GPBP1L1: variants seen among roughly 807,000 people sequenced by gnomAD.
The protein encoded by GPBP1L1 is GC-rich promoter binding protein 1 like 1.
GPBP1L1 carries 23 observed loss-of-function variants against 52.5 expected under a neutral mutation model. The observed-to-expected ratio is 0.44, with a 90% CI of 0.32 to 0.62. The LOEUF is 0.62. Ranked by LOEUF, GPBP1L1 falls within the 20% of genes least tolerant of loss-of-function variation. The pLI, the probability that GPBP1L1 is intolerant of heterozygous loss-of-function variation, is 0.06. For missense variants in GPBP1L1, 596 were observed against 579.3 expected (o/e 1.03, Z -0.30); for synonymous variants, 243 against 203.1 (o/e 1.20, Z -1.67).
At chr1:45,670,204 G>A (rs2148501485) in intron 2 of GPBP1L1, among the ~76,000 whole-genome samples, 1 of 152,314 alleles carries the variant, frequency 6.6e-6, no homozygotes, top group South Asian at 2.1e-4. Flanking sequence ...CTGCTGGTAG[G>A]TTTAACACGA....
intron 8 of GPBP1L1, chr1:45,634,826 C>T (rs1437629795): frequency 6.6e-6 from 1 of 152,306 alleles, no homozygotes; most frequent in Non-Finnish European, 1.5e-5. Flanking sequence ...CCCATTCTGT[C>T]ACTCTGGCCA....
intron 6 of GPBP1L1, among the ~76,000 whole-genome samples, chr1:45,647,166 A>ATTCT (rs1644759061): frequency 8.9e-6 from 1 of 112,650 alleles, no homozygotes; most frequent in Non-Finnish European, 1.8e-5. Flanking sequence ...ACTTCTTAGG[A>ATTCT]TTTTTTTTTT....
intron 2 of GPBP1L1, among the ~76,000 whole-genome samples, chr1:45,683,417 AGAT>A (rs1473469664): frequency 6.6e-6 from 1 of 150,694 alleles, no homozygotes; most frequent in Non-Finnish European, 1.5e-5. Flanking sequence ...GTGTTAGCCA[AGAT>A]GGTCTCCATC....
chr1:45,629,458 C>CCG lies in GPBP1L1; in HGVS notation c.1272+117_1272+118insCG, dbSNP rs1644500561. ...ACTACATTTCTACTAAGGTAATCCC[C>CCG]CCCCCCCCCACCCGATCTTTCTCTC... On this transcript the variant is annotated intron_variant, in intron 12 of 12. Transcript: ENST00000355105. 10 of 126,848 alleles carry CCG rather than the reference C, an allele frequency of 7.9e-5. 1 individual carries two copies. In the South Asian group the frequency reaches 1.2e-3, roughly 15 times the overall value. The allele number at this position is 126,848 out of a possible 1,614,324, so 7.9% of individuals were successfully genotyped here.
chr1:45,633,133 A>G (rs1219870372), intron 10 of GPBP1L1, among the ~76,000 whole-genome samples: 1 of 152,242 alleles, frequency 6.6e-6, no homozygotes, highest in Non-Finnish European at 1.5e-5. Flanking sequence ...TGCTCTTACC[A>G]TATGATCCAG....
chr1:45,632,488 G>A (rs1165176426), intron 10 of GPBP1L1, among the ~76,000 whole-genome samples: 3 of 152,202 alleles, frequency 2.0e-5, no homozygotes, highest in African/African-American at 7.2e-5. Flanking sequence ...GGCTGAGACA[G>A]GCAGAACACT....
At position 45,641,487 on chromosome 1, in the gene GPBP1L1, C is replaced by CAT. The variant is rs201767953; in HGVS notation, c.550+939_550+940insAT. Reference sequence around the variant, plus strand: ...ACACACACACACACACACACACACACGAATATTTAAACATACATATATATG... The same window carrying CAT: ...ACACACACACACACACACACACACACATGAATATTTAAACATACATATATATG... On this transcript the variant is annotated intron_variant, in intron 7 of 12. Transcript: ENST00000355105. Among the ~76,000 whole-genome samples, 934 of 151,214 alleles carry CAT rather than the reference C, an allele frequency of 6.2e-3. 7 individuals carry two copies. The highest frequency in any genetic ancestry group is 0.022 in the African/African-American group (903 of 41,154).
intron 6 of GPBP1L1, among the ~76,000 whole-genome samples, chr1:45,643,649 G>A (rs537319352): frequency 9.5e-4 from 136 of 142,626 alleles, no homozygotes; most frequent in African/African-American, 3.2e-3. Flanking sequence ...TAACAGGGTA[G>A]GAGAATGGCT....
At chr1:45,658,782 AAAAC>A in intron 4 of GPBP1L1, 2 of 463,368 alleles carry the variant, frequency 4.3e-6, no homozygotes, top group South Asian at 8.0e-5. Context: ...AACAACAACA[AAAAC>A]AAAAATTAGC....
rs4443928 is a variant in GPBP1L1, at chr1:45,671,930, T to C, written c.-1097-10705A>G. ...TGCTTGGAATGGCAATAAATCTAGA[T>C]CAAAATGGGAGAACTGACATCTTCA... On this transcript the variant is annotated intron_variant, in intron 2 of 12. Coordinates refer to ENST00000355105, the MANE Select transcript of GPBP1L1 (RefSeq NM_021639.5). Among the ~76,000 whole-genome samples the C allele has an allele frequency of 8.9e-4, 136 of 152,222 alleles. 1 individual carries two copies. The highest frequency in any genetic ancestry group is 3.2e-3 in the African/African-American group (135 of 41,550).
At chr1:45,673,032 A>G (rs1017766767) in intron 2 of GPBP1L1, among the ~76,000 whole-genome samples, 1 of 152,214 alleles carries the variant, frequency 6.6e-6, no homozygotes, top group Non-Finnish European at 1.5e-5. Context: ...TGTGGTCAAA[A>G]TAAGTTTTTT....
In GPBP1L1 at chr1:45,660,442, T is replaced by C. The variant is rs1160848643; in HGVS notation, c.-314A>G. 7.2e-6 allele frequency: 7 copies of C among 977,324 alleles called. No homozygotes were observed. Among genetic ancestry groups the C allele is most frequent in the South Asian group, 4.7e-5 (1 of 21,058 alleles). The allele number at this position is 977,324 out of a possible 1,614,324, so 60.5% of individuals were successfully genotyped here. Reference sequence around the variant, plus strand: ...GGGGGAAGGGGAACATAAAAAGTATTTGTTACATTTAAAAAGGGGGGGAAG... The same window carrying C: ...GGGGGAAGGGGAACATAAAAAGTATCTGTTACATTTAAAAAGGGGGGGAAG... On this transcript the variant is annotated 5_prime_UTR_variant, in exon 3 of 13. Transcript: ENST00000355105.
chr1:45,681,661 G>C (rs953808468), intron 2 of GPBP1L1, among the ~76,000 whole-genome samples: 1 of 152,214 alleles, frequency 6.6e-6, no homozygotes, highest in Non-Finnish European at 1.5e-5. Context: ...CTTACCGTCA[G>C]ACATTATTTT....
intron 2 of GPBP1L1, among the ~76,000 whole-genome samples, chr1:45,664,528 G>A (rs1288682805): frequency 1.3e-5 from 2 of 152,170 alleles, no homozygotes; most frequent in Non-Finnish European, 2.9e-5. Context: ...ATGGGCCACT[G>A]CACTCCAGCT....
At chr1:45,662,000 T>C (rs141749738) in intron 2 of GPBP1L1, among the ~76,000 whole-genome samples, 2 of 152,314 alleles carry the variant, frequency 1.3e-5, no homozygotes, top group Non-Finnish European at 2.9e-5. Context: ...TGTCACAGTA[T>C]ATTTTATATA....
In GPBP1L1 at chr1:45,633,708, TCTA is replaced by T. The variant is rs1056327839; in HGVS notation, c.886-64_886-62del. Reference sequence around the variant, plus strand: ...CAAAGAGCAAGAACTGGGGTTCTCTTCTACTAAGTGCTGACTTCAAGAATCTGG... The same window carrying T: ...CAAAGAGCAAGAACTGGGGTTCTCTTCTAAGTGCTGACTTCAAGAATCTGG... On this transcript the variant is annotated intron_variant, in intron 9 of 12. Coordinates refer to ENST00000355105, the MANE Select transcript of GPBP1L1 (RefSeq NM_021639.5). The T allele has an allele frequency of 5.0e-5, 77 of 1,529,254 alleles. 1 individual carries two copies. The highest frequency in any genetic ancestry group is 2.8e-4 in the South Asian group (24 of 86,624). 94.7% of individuals were successfully genotyped at this position (1,529,254 alleles called of 1,614,324 possible). A position where few individuals can be genotyped will look rare whatever the true frequency, so the allele number is the denominator to read the frequency against.
chr1:45,686,025 C>T (rs923200645), intron 1 of GPBP1L1, among the ~76,000 whole-genome samples: 13 of 152,178 alleles, frequency 8.5e-5, no homozygotes, highest in African/African-American at 3.1e-4. Context: ...AAACAAAAGC[C>T]CTTAGCTCTC....
chr1:45,628,521 G>T (rs529554606), intron 12 of GPBP1L1, 113 bp from the exon 13 acceptor site: 8 of 925,124 alleles, frequency 8.6e-6, no homozygotes, highest in East Asian at 2.5e-5. Context: ...AATGTGGGGC[G>T]GGGGGTGCTT....
In GPBP1L1 at chr1:45,659,115, G is replaced by A; in HGVS notation, c.-28C>T. On this transcript the variant is annotated 5_prime_UTR_variant, in exon 4 of 13. Transcript: ENST00000355105. ...AGGTCCAGTGTCTCCTTTCAGTAAG[G>A]TGAGGCATCCAACCTCATGGCCAGG... The A allele has an allele frequency of 1.2e-6, 2 of 1,613,134 alleles. No individual in the cohort carries two copies. The highest frequency in any genetic ancestry group is 1.7e-6 in the Non-Finnish European group (2 of 1,179,312).
Sources: allele counts gnomAD v4.1 joint callset (sites outside exome capture counted in the v4.1 genomes callset), GRCh38; gene constraint gnomAD v4.1.1; transcripts MANE v1.5; gene names NCBI Gene and HGNC (gene_info 2026-07-23, HGNC 2026-07-21).